The following FREM1 variants were observed in gnomAD, a reference collection of about 807,000 sequenced individuals.
The protein encoded by FREM1 is FRAS1-related extracellular matrix protein 1.
FREM1 carries 220 observed loss-of-function variants against 210.1 expected under a neutral mutation model. The ratio of observed to expected loss-of-function variants is 1.05; its 90% CI spans 0.94 to 1.17. FREM1 has a LOEUF of 1.17. Among genes scored for constraint, FREM1 ranks in the 50% most tolerant of loss-of-function variants. The pLI is 0.00. For missense variants in FREM1, 3,454 were observed against 2,675.5 expected (o/e 1.29, Z -6.42); for synonymous variants, 1,189 against 980.2 (o/e 1.21, Z -3.98).
chr9:14,873,647 T>A (rs1833147270), intron 1 of FREM1, among the ~76,000 whole-genome samples: 1 of 152,120 alleles, frequency 6.6e-6, no homozygotes, highest in African/African-American at 2.4e-5. Flanking sequence ...TTTTGAAGGG[T>A]TTTTTGTGTC....
rs568097776 is a variant in FREM1 at position 14,830,100 on chromosome 9, T to C, written c.1882-5108A>G. 2.2e-4 allele frequency among the ~76,000 whole-genome samples: 34 copies of C among 152,232 alleles called. No individual in the cohort carries two copies. The East Asian group carries it at 6.4e-3, about 29-fold the overall frequency. On this transcript the variant is annotated intron_variant, in intron 10 of 36. Coordinates refer to ENST00000380880, the MANE Select transcript of FREM1 (RefSeq NM_001379081.2). ...CAAAACTAACAGTGTAAGTAGTTCC[T>C]GGGGGTGAGAAATAGCACTGGATAG...
At chr9:14,792,982 A>T (rs1451094035) in intron 21 of FREM1, 98 bp from the exon 22 acceptor site, 2 of 717,516 alleles carry the variant, frequency 2.8e-6, no homozygotes, top group African/African-American at 3.6e-5. Flanking sequence ...ATCTTCAACA[A>T]TTAAGGAATG....
At chr9:14,879,604 A>G (rs1355026692) in intron 1 of FREM1, among the ~76,000 whole-genome samples, 1 of 152,226 alleles carries the variant, frequency 6.6e-6, no homozygotes, top group East Asian at 1.9e-4. Context: ...ATGGTTAAAT[A>G]GCGTAGATAT....
chr9:14,779,876 G>A (rs998922086), intron 24 of FREM1, among the ~76,000 whole-genome samples: 4 of 152,164 alleles, frequency 2.6e-5, no homozygotes, highest in Admixed American at 6.5e-5. Context: ...AACATGACTG[G>A]ATCAAATAAC....
At chr9:14,775,707 CA>C (rs35187926) in intron 25 of FREM1, 81 bp downstream of exon 25, 36,567 of 357,482 alleles carry the variant, frequency 0.1, 8 homozygotes, top group East Asian at 0.11. Context: ...GACTCCCTCT[CA>C]AAAAAAAAAA....
intron 24 of FREM1, among the ~76,000 whole-genome samples, chr9:14,783,264 T>C (rs754925832): frequency 7.9e-5 from 12 of 152,220 alleles, no homozygotes; most frequent in South Asian, 2.1e-4. Flanking sequence ...AGCAGATATA[T>C]TGAATTTAGA....
At chr9:14,821,921 G>A (rs558176077) in intron 13 of FREM1, among the ~76,000 whole-genome samples, 43 of 152,252 alleles carry the variant, frequency 2.8e-4, no homozygotes, top group Non-Finnish European at 4.7e-4. Context: ...ACCTCTTCAC[G>A]TGGTTTGGCC....
intron 6 of FREM1, 126 bp from the exon 7 acceptor site, chr9:14,848,899 C>T: frequency 2.0e-6 from 1 of 497,020 alleles, no homozygotes; most frequent in South Asian, 4.0e-5. Flanking sequence ...TCTGCAGTTC[C>T]CACATCTCAT....
At chr9:14,748,348 A>C in intron 31 of FREM1, 53 bp downstream of exon 31, 1 of 996,068 alleles carries the variant, frequency 1.0e-6, no homozygotes. Context: ...ATATCTTCTG[A>C]TCCTTTTAAT....
In FREM1 at chr9:14,737,469, C is replaced by T. The variant is rs1266128899; in HGVS notation, c.6467G>A (p.Arg2156Lys). 1.9e-6 allele frequency: 3 copies of T among 1,613,848 alleles called. No individual in the cohort carries two copies. The highest frequency in any genetic ancestry group is 2.5e-6 in the Non-Finnish European group (3 of 1,179,838). Residue 2156 changes from arginine (R) to lysine (K), a missense_variant, in exon 37 of 37, where the codon AGA (arginine) becomes AAA (lysine). By Grantham distance (26) the Arg-to-Lys change is conservative. Transcript: ENST00000380880. The stretch of plus-strand genomic sequence containing the variant: ...GTCTTTTGTTTGCCATTTCCCTTGT[C>T]TTTGAACCAAAACACAGCTCTTTCC... ...KLGKSCVLVQ[R>K]QGKWQTKDCR... is the part of the protein sequence containing the mutation.
intron 18 of FREM1, among the ~76,000 whole-genome samples, chr9:14,806,386 G>T (rs1469217287): frequency 2.0e-5 from 3 of 151,570 alleles, no homozygotes; most frequent in African/African-American, 7.3e-5. Flanking sequence ...CTCCCAAGTA[G>T]CTGGGATTAC....
At chr9:14,837,597 AC>A (rs1164116516) in intron 10 of FREM1, among the ~76,000 whole-genome samples, 1 of 152,218 alleles carries the variant, frequency 6.6e-6, no homozygotes, top group Admixed American at 6.5e-5. Context: ...CTTTGAAGGC[AC>A]AATAACTATT....
rs1422705588 is a variant in FREM1, at chr9:14,747,134, T to C, written c.6010-83A>G. The C allele has an allele frequency of 1.4e-5, 22 of 1,597,004 alleles. No homozygotes were observed. In the East Asian group the frequency reaches 4.2e-4, roughly 31 times the overall value. On this transcript the variant is annotated intron_variant, in intron 33 of 36. Transcript: ENST00000380880. ...ACATTCACCTCCTTTGGGTCTTCAT[T>C]TGTTGGGAAGCATTTGTGTTGGGTA...
chr9:14,748,693 G>T (rs947012443), intron 30 of FREM1, 54 bp from the exon 31 acceptor site: 6 of 1,119,104 alleles, frequency 5.4e-6, no homozygotes, highest in Non-Finnish European at 8.0e-6. Flanking sequence ...AACAGATAAG[G>T]TATCACATTG....
intron 3 of FREM1, among the ~76,000 whole-genome samples, chr9:14,860,261 G>C (rs1158212974): frequency 6.6e-6 from 1 of 152,042 alleles, no homozygotes; most frequent in Non-Finnish European, 1.5e-5. Context: ...GGCTCAGGTA[G>C]CTTGCCAAAG....
At chr9:14,799,187 G>T (rs1441552458) in intron 20 of FREM1, among the ~76,000 whole-genome samples, 1 of 151,904 alleles carries the variant, frequency 6.6e-6, no homozygotes, top group Non-Finnish European at 1.5e-5. Flanking sequence ...TTGGGAGGCT[G>T]AGGTCAGAGG....
At chr9:14,748,164 A>T (rs1378049054) in intron 31 of FREM1, among the ~76,000 whole-genome samples, 1 of 152,182 alleles carries the variant, frequency 6.6e-6, no homozygotes, top group Non-Finnish European at 1.5e-5. Flanking sequence ...AAAGGAATCA[A>T]AGAAGAAATC....
intron 1 of FREM1, among the ~76,000 whole-genome samples, chr9:14,903,665 C>T (rs1817113468): frequency 6.6e-6 from 1 of 152,074 alleles, no homozygotes; most frequent in South Asian, 2.1e-4. Context: ...GTGTATATGC[C>T]TATGTGTTTT....
At chr9:14,795,299 G>A (rs985803570) in intron 21 of FREM1, among the ~76,000 whole-genome samples, 2 of 152,202 alleles carry the variant, frequency 1.3e-5, no homozygotes, top group African/African-American at 4.8e-5. Context: ...TTAACAGAGA[G>A]ATTGAGAGAA....
Sources: gnomAD v4.1 joint callset for allele counts (sites outside exome capture counted in the v4.1 genomes callset) on GRCh38, gnomAD v4.1.1 for gene constraint, MANE v1.5 for transcripts, NCBI Gene and HGNC (gene_info 2026-07-23, HGNC 2026-07-21) for gene names.